ARB2A: variants seen among roughly 807,000 people sequenced by gnomAD.
ARB2A encodes cotranscriptional regulator ARB2A.
the ARB2A span, among the ~76,000 whole-genome samples, chr5:94,031,985 T>C: frequency 6.6e-5 from 10 of 152,152 alleles, no homozygotes; most frequent in Non-Finnish European, 1.0e-4. Flanking sequence ...TGCAGAGGTG[T>C]GCAGGCTGGA....
At chr5:93,879,732 G>A in the ARB2A span, among the ~76,000 whole-genome samples, 6 of 151,724 alleles carry the variant, frequency 4.0e-5, no homozygotes, top group African/African-American at 7.3e-5. Flanking sequence ...ATAAACTTAC[G>A]GGACAGATGT....
At chr5:94,036,539 C>T in the ARB2A span, among the ~76,000 whole-genome samples, 8 of 152,330 alleles carry the variant, frequency 5.3e-5, no homozygotes, top group South Asian at 1.4e-3. Context: ...TCTATAGCCT[C>T]ATCTACTAAA....
At chr5:94,020,318 T>A in the ARB2A span, among the ~76,000 whole-genome samples, 1 of 152,030 alleles carries the variant, frequency 6.6e-6, no homozygotes, top group Non-Finnish European at 1.5e-5. Flanking sequence ...GAGAAATAAC[T>A]AATGCAGATG....
chr5:93,736,126 G>C, the ARB2A span: 1 of 152,114 alleles, frequency 6.6e-6, no homozygotes, highest in Admixed American at 6.5e-5. Flanking sequence ...ACCATGGGAA[G>C]CTGTGCTGAT....
At chr5:93,942,111 A>G in the ARB2A span, among the ~76,000 whole-genome samples, 4 of 152,174 alleles carry the variant, frequency 2.6e-5, no homozygotes, top group Non-Finnish European at 5.9e-5. Context: ...AGGTAATGAT[A>G]TATCTGCCAT....
chr5:93,874,107 T>C, the ARB2A span, among the ~76,000 whole-genome samples: 5 of 152,318 alleles, frequency 3.3e-5, no homozygotes, highest in Middle Eastern at 0.01. Context: ...CTGATTCCTA[T>C]GTAATATTGC....
At chr5:93,970,758 A>G in the ARB2A span, among the ~76,000 whole-genome samples, 20 of 152,220 alleles carry the variant, frequency 1.3e-4, no homozygotes. Context: ...ATAATTACAT[A>G]TATCATGTTT....
the ARB2A span, among the ~76,000 whole-genome samples, chr5:94,069,061 GA>G: frequency 6.6e-6 from 1 of 151,106 alleles, no homozygotes; most frequent in African/African-American, 2.4e-5. Flanking sequence ...TAGATAGATA[GA>G]TAGATAGATA....
chr5:93,628,403 G>C, the ARB2A span, among the ~76,000 whole-genome samples: 1 of 152,020 alleles, frequency 6.6e-6, no homozygotes, highest in Admixed American at 6.5e-5. Context: ...AATGAGTATT[G>C]GCTTCAACTT....
the ARB2A span, among the ~76,000 whole-genome samples, chr5:93,905,062 C>T: frequency 6.6e-6 from 1 of 151,568 alleles, no homozygotes; most frequent in Admixed American, 6.6e-5. Flanking sequence ...AAATCTTTAC[C>T]CAAGCTCTGT....
chr5:93,740,482 T>C, the ARB2A span: 5 of 1,316,010 alleles, frequency 3.8e-6, no homozygotes, highest in Non-Finnish European at 3.1e-6. Flanking sequence ...GAGAAATTAA[T>C]ACTAAAAGCC....
chr5:94,094,319 T>A, the ARB2A span, among the ~76,000 whole-genome samples: 17 of 152,334 alleles, frequency 1.1e-4, no homozygotes, highest in African/African-American at 3.8e-4. Context: ...TGTCCTTACA[T>A]GGTAAAGAGA....
chr5:93,911,069 T>C, the ARB2A span, among the ~76,000 whole-genome samples: 1 of 151,628 alleles, frequency 6.6e-6, no homozygotes, highest in East Asian at 1.9e-4. Context: ...AACATTACTG[T>C]ATACTGGAAG....
chr5:94,048,252 A>G, the ARB2A span, among the ~76,000 whole-genome samples: 3 of 151,976 alleles, frequency 2.0e-5, no homozygotes, highest in Admixed American at 6.5e-5. Flanking sequence ...ACAGGGTTTC[A>G]CCATGTTGGT....
At chr5:93,898,117 C>G in the ARB2A span, among the ~76,000 whole-genome samples, 2 of 151,966 alleles carry the variant, frequency 1.3e-5, no homozygotes, top group African/African-American at 4.8e-5. Context: ...TTTAAGGATT[C>G]TCATCATAAG....
At chr5:93,665,359 G>A in the ARB2A span, among the ~76,000 whole-genome samples, 8 of 152,258 alleles carry the variant, frequency 5.3e-5, no homozygotes, top group African/African-American at 1.9e-4. Context: ...TTTCCACATA[G>A]TGCCTAGAAG....
chr5:93,853,604 T>C, the ARB2A span, among the ~76,000 whole-genome samples: 4 of 152,196 alleles, frequency 2.6e-5, no homozygotes, highest in South Asian at 2.1e-4. Context: ...TTGTCATAGA[T>C]AGCTCTTATT....
At chr5:93,784,598 G>A in the ARB2A span, 1 of 833,734 alleles carries the variant, frequency 1.2e-6, no homozygotes. Flanking sequence ...TATTAACAAT[G>A]AAAAAGCAAT....
the ARB2A span, among the ~76,000 whole-genome samples, chr5:93,845,142 T>G: frequency 6.6e-6 from 1 of 152,344 alleles, no homozygotes; most frequent in East Asian, 1.9e-4. Context: ...ATCTTGTAAG[T>G]GCTTTGGGAA....
Sources: gnomAD v4.1 joint callset for allele counts (sites outside exome capture counted in the v4.1 genomes callset) on GRCh38, gnomAD v4.1.1 for gene constraint, MANE v1.5 for transcripts, NCBI Gene and HGNC (gene_info 2026-07-23, HGNC 2026-07-21) for gene names.